Variants in XPO4 observed in about 807,000 individuals in gnomAD.
The protein encoded by XPO4 is exportin-4.
A neutral mutation model predicts 143.0 loss-of-function variants in XPO4; 39 were observed. The observed-to-expected ratio is 0.27, with a 90% CI of 0.21 to 0.36. The LOEUF (loss-of-function observed/expected upper bound fraction) is 0.36. Ranked by LOEUF, XPO4 falls within the 10% of genes least tolerant of loss-of-function variation. The probability of loss-of-function intolerance (pLI) is 1.00; values close to 1 mark genes in which losing one functional copy is unlikely to be tolerated. For synonymous variants in XPO4, 439 were observed against 474.0 expected (o/e 0.93, Z 0.96); for missense variants, 907 against 1,348.0 (o/e 0.67, Z 5.12).
chr13:20,799,071 C>T, intron 16 of XPO4, 94 bp downstream of exon 16: 5 of 1,107,950 alleles, frequency 4.5e-6, no homozygotes, highest in Non-Finnish European at 6.2e-6. Context: ...ATGACTGATA[C>T]ATTTATGTCT....
intron 1 of XPO4, among the ~76,000 whole-genome samples, chr13:20,896,948 CTT>C (rs1192375635): frequency 6.6e-6 from 1 of 152,144 alleles, no homozygotes; most frequent in Non-Finnish European, 1.5e-5. Context: ...TTTCAAATGC[CTT>C]TTTGCATTTC....
chr13:20,872,159 T>C (rs1257177020), intron 1 of XPO4, among the ~76,000 whole-genome samples: 1 of 152,090 alleles, frequency 6.6e-6, no homozygotes, highest in Non-Finnish European at 1.5e-5. Flanking sequence ...TACACATTTT[T>C]CCCTCAAAGT....
At chr13:20,896,250 T>C (rs959341374) in intron 1 of XPO4, among the ~76,000 whole-genome samples, 6 of 152,194 alleles carry the variant, frequency 3.9e-5, no homozygotes, top group African/African-American at 1.4e-4. Context: ...TTCTAATCAA[T>C]TAATTTTTCT....
At position 20,828,882 on chromosome 13, in the gene XPO4, C is replaced by A. The variant is rs574156719; in HGVS notation, c.728-1703G>T. 2.4e-4 allele frequency among the ~76,000 whole-genome samples: 36 copies of A among 152,254 alleles called. 1 individual carries two copies. The highest frequency in any genetic ancestry group is 7.7e-4 in the African/African-American group (32 of 41,546). On this transcript the variant is annotated intron_variant, in intron 6 of 22. Transcript: ENST00000255305. ...CATGGTCTAAGGTCAATGTTGTGTT[C>A]TTCACCCAATACTACAATATACTGA... is the stretch of plus-strand genomic sequence containing the variant.
rs1261600437 is a variant in XPO4 at position 20,862,821 on chromosome 13, G to C, written c.213C>G (p.Ala71=). 1 of 1,613,982 alleles carries C rather than the reference G, an allele frequency of 6.2e-7. No individual in the cohort carries two copies. The highest frequency in any genetic ancestry group is 8.5e-7 in the Non-Finnish European group (1 of 1,179,992). The change falls in exon 3 of 23, where the codon GCC becomes GCG. Residue 71 remains alanine (A), a synonymous_variant. Coordinates refer to ENST00000255305, the MANE Select transcript of XPO4 (RefSeq NM_022459.5). ...SKVDYVLFQA[A]TAIMEAVVRE... is the part of the protein sequence containing the mutation. ...GGACAACTGCTTCCATTATGGCTGT[G>C]GCAGCTTGAAAGAGGACATAGTCCA...
At position 20,851,869 on chromosome 13, in the gene XPO4, A is replaced by G. The variant is rs185229358; in HGVS notation, c.456+3758T>C. The stretch of plus-strand genomic sequence containing the variant: ...CAAAATCTTCTCTAACTGAACAGCT[A>G]TATCTGTTCCAATCATTCTCAGAAG... On this transcript the variant is annotated intron_variant, in intron 4 of 22. Transcript: ENST00000255305. 1.5e-4 allele frequency: 144 copies of G among 985,420 alleles called. No individual in the cohort carries two copies. The African/African-American group carries it at 2.4e-3, about 17-fold the overall frequency. 61.0% of individuals were successfully genotyped at this position (985,420 alleles called of 1,614,324 possible).
chr13:20,817,339 T>A (rs938223277), intron 9 of XPO4, among the ~76,000 whole-genome samples: 41 of 152,238 alleles, frequency 2.7e-4, no homozygotes, highest in African/African-American at 9.6e-4. Flanking sequence ...TGCTGACCTC[T>A]AAATACACTC....
At chr13:20,868,951 G>A (rs1260269817) in intron 1 of XPO4, among the ~76,000 whole-genome samples, 3 of 152,064 alleles carry the variant, frequency 2.0e-5, no homozygotes, top group Non-Finnish European at 4.4e-5. Flanking sequence ...TAAAAAACCT[G>A]CATTTTAGAA....
intron 21 of XPO4, 90 bp from the exon 22 acceptor site, chr13:20,787,147 T>C: frequency 9.2e-7 from 1 of 1,088,140 alleles, no homozygotes; most frequent in Middle Eastern, 3.0e-4. Flanking sequence ...AAGAGAGGGT[T>C]GGTTGTTATT....
chr13:20,814,172 C>T (rs2059618751), intron 9 of XPO4, among the ~76,000 whole-genome samples: 1 of 146,626 alleles, frequency 6.8e-6, no homozygotes, highest in South Asian at 2.3e-4. Context: ...GGAATAGCAT[C>T]CTCTGACTCA....
Position 20,796,811 on chromosome 13 carries a change from C to G in XPO4, c.2569G>C (p.Glu857Gln), listed in dbSNP as rs1463595753. The change falls in exon 17 of 23, where the codon GAA becomes CAA. Residue 857 changes from glutamate to glutamine, a missense_variant. Coordinates refer to ENST00000255305, the MANE Select transcript of XPO4 (RefSeq NM_022459.5). ...NTPETVNLII[E>Q]VFVEVAHKQI... ...TTATGTGCAACTTCAACAAAAACTT[C>G]TATAATGAGATTGACAGTCTCTGGG... The G allele has an allele frequency of 6.2e-7, 1 of 1,613,898 alleles. No individual in the cohort carries two copies. The highest frequency in any genetic ancestry group is 1.7e-5 in the Admixed American group (1 of 59,994).
chr13:20,854,676 A>T (rs1357472327), intron 4 of XPO4, among the ~76,000 whole-genome samples: 1 of 152,218 alleles, frequency 6.6e-6, no homozygotes, highest in Non-Finnish European at 1.5e-5. Flanking sequence ...TGATAGGTTA[A>T]ACAAAGAATC....
rs2059118218 is a variant in XPO4 at position 20,779,618 on chromosome 13, G to A, written c.*4104C>T. 6.6e-6 allele frequency: 1 copy of A among 152,618 alleles called. No individual in the cohort carries two copies. The highest frequency in any genetic ancestry group is 1.5e-5 in the Non-Finnish European group (1 of 68,036). 9.5% of individuals were successfully genotyped at this position (152,618 alleles called of 1,614,324 possible). On this transcript the variant is annotated 3_prime_UTR_variant, in exon 23 of 23. Transcript: ENST00000255305. The stretch of plus-strand genomic sequence containing the variant: ...GCAAGCCACACCTCCCAGTTCCTAG[G>A]AGGGAATCGCCACGGCCGACTTCAG...
At chr13:20,879,201 T>G in intron 1 of XPO4, 24 of 985,300 alleles carry the variant, frequency 2.4e-5, no homozygotes, top group Non-Finnish European at 2.9e-5. Context: ...CCATCTCAGG[T>G]AGGGATCTAA....
chr13:20,856,188 G>T, intron 3 of XPO4: 1 of 313,846 alleles, frequency 3.2e-6, no homozygotes, highest in Non-Finnish European at 4.6e-6. Context: ...CCACTAGTCT[G>T]GAGATAAATT....
At chr13:20,870,371 G>T (rs537743627) in intron 1 of XPO4, among the ~76,000 whole-genome samples, 2 of 152,098 alleles carry the variant, frequency 1.3e-5, no homozygotes, top group East Asian at 3.9e-4. Flanking sequence ...AGCAGAGGTT[G>T]CAGTGAGCTG....
chr13:20,798,025 T>TC (rs1490577819), intron 16 of XPO4, among the ~76,000 whole-genome samples: 1 of 151,978 alleles, frequency 6.6e-6, no homozygotes, highest in Non-Finnish European at 1.5e-5. Context: ...GCACCTGTAA[T>TC]CCCACCTACT....
At chr13:20,881,613 G>A (rs886602090) in intron 1 of XPO4, among the ~76,000 whole-genome samples, 1 of 151,940 alleles carries the variant, frequency 6.6e-6, no homozygotes, top group African/African-American at 2.4e-5. Context: ...AAACTTTTAT[G>A]AGCAATATAA....
At chr13:20,900,803 G>C (rs896760982) in intron 1 of XPO4, among the ~76,000 whole-genome samples, 1 of 125,450 alleles carries the variant, frequency 8.0e-6, no homozygotes, top group African/African-American at 2.6e-5. Flanking sequence ...GTAGAGATGG[G>C]GCTTCACCGT....
Sources: allele counts gnomAD v4.1 joint callset (sites outside exome capture counted in the v4.1 genomes callset), GRCh38; gene constraint gnomAD v4.1.1; transcripts MANE v1.5; gene names NCBI Gene and HGNC (gene_info 2026-07-23, HGNC 2026-07-21).